TMEM184A: variants seen among roughly 807,000 people sequenced by gnomAD.
TMEM184A encodes the protein sexually dimorphic, expressed in male gonads 1.
A neutral mutation model predicts 39.5 loss-of-function variants in TMEM184A; 40 were observed. The ratio of observed to expected loss-of-function variants is 1.01; its 90% CI spans 0.79 to 1.32. The LOEUF (loss-of-function observed/expected upper bound fraction) is 1.32, where lower values mean the gene tolerates loss of function less well. Ranked by LOEUF, TMEM184A falls within the 40% of genes most tolerant of loss-of-function variation. The pLI is 0.00. For missense variants in TMEM184A, 603 were observed against 568.8 expected (o/e 1.06, Z -0.61); for synonymous variants, 280 against 252.3 (o/e 1.11, Z -1.04).
At position 1,555,248 on chromosome 7, in the gene TMEM184A, G is replaced by A. The variant is rs576658485; in HGVS notation, c.219+18C>T. On this transcript the variant is annotated intron_variant, in intron 2 of 8. Transcript: ENST00000297477. This position sits in a 1 kb window ranked among gnomAD's most constrained non-coding sequence, Gnocchi z 5.2. ...GAGACCAAGGTCCTGAAGGAGGCTCGGGGGCGGAAGGGCTTACCTGGTGGC... is the reference window on the plus strand; with the variant it reads ...GAGACCAAGGTCCTGAAGGAGGCTCAGGGGCGGAAGGGCTTACCTGGTGGC... 5.2e-5 allele frequency: 83 copies of A among 1,585,618 alleles called. 1 individual carries two copies. Among genetic ancestry groups the A allele is most frequent in the African/African-American group, 6.7e-5 (5 of 74,316 alleles).
rs10275771 is a variant in TMEM184A at position 1,549,916 on chromosome 7, G to A, written c.582C>T (p.Pro194=). 3.9e-3 allele frequency: 6,273 copies of A among 1,612,764 alleles called. 237 individuals carry two copies. The African/African-American group carries it at 0.073, about 19-fold the overall frequency. ...GGATGATGGTGGTGACGGCCATGACGGGCTTCACCAGGCAGAACTGCAGAG... is the reference window on the plus strand; with the variant it reads ...GGATGATGGTGGTGACGGCCATGACAGGCTTCACCAGGCAGAACTGCAGAG... ...QATLQFCLVK[P]VMAVTTIILQ... The change falls in exon 6 of 9, where the codon CCC becomes CCT. Residue 194 remains proline (P), a synonymous_variant. Coordinates refer to ENST00000297477, the MANE Select transcript of TMEM184A (RefSeq NM_001097620.2).
rs367847493 is a variant in TMEM184A at position 1,550,957 on chromosome 7, G to C, written c.245C>G (p.Thr82Ser). The change falls in exon 3 of 9, where the codon ACC (threonine) becomes AGC (serine). Residue 82 changes from threonine (T) to serine (S), a missense_variant. Coordinates refer to ENST00000297477, the MANE Select transcript of TMEM184A (RefSeq NM_001097620.2). Reference protein sequence around the residue: ...HQIYLHLRSYTVPQEQRYIIR... With the variant: ...HQIYLHLRSYSVPQEQRYIIR... ...GATGTAACGTTGCTCCTGTGGCACG[G>C]TGTAGGAGCGCAGGTGCAGATAGAT... 37 of 1,613,206 alleles carry C rather than the reference G, an allele frequency of 2.3e-5. No individual in the cohort carries two copies. The highest frequency in any genetic ancestry group is 2.9e-5 in the Non-Finnish European group (34 of 1,179,874).
At chr7:1,549,670 C>A (rs1356529583) in intron 6 of TMEM184A, 184 bp downstream of exon 6, 2 of 707,174 alleles carry the variant, frequency 2.8e-6, no homozygotes, top group Non-Finnish European at 5.2e-6. Context: ...GCCAGGCCTG[C>A]CTTGTTGGGC....
chr7:1,548,596 C>G lies in TMEM184A; in HGVS notation c.737G>C (p.Arg246Thr). ...GGGCTGGAAGGGCCGCAGGAGCTCCCTGGTGGTGAAGTAGAAGAGGAACAG... is the reference window on the plus strand; with the variant it reads ...GGGCTGGAAGGGCCGCAGGAGCTCCGTGGTGGTGAAGTAGAAGAGGAACAG... ...YALFLFYFTT[R>T]ELLRPFQPVL... The change falls in exon 7 of 9, where the codon AGG becomes ACG. Residue 246 changes from arginine (R) to threonine (T), a missense_variant. Arg to Thr is a moderately conservative substitution (Grantham distance 71, BLOSUM62 -1). Coordinates refer to ENST00000297477, the MANE Select transcript of TMEM184A (RefSeq NM_001097620.2). The G allele has an allele frequency of 1.2e-6, 2 of 1,613,896 alleles. No homozygotes were observed. Among genetic ancestry groups the G allele is most frequent in the Non-Finnish European group, 1.7e-6 (2 of 1,179,980 alleles).
chr7:1,546,928 A>G lies in TMEM184A; in HGVS notation c.*24T>C. The G allele has an allele frequency of 2.0e-6, 3 of 1,486,436 alleles. No homozygotes were observed. Among genetic ancestry groups the G allele is most frequent in the Non-Finnish European group, 2.7e-6 (3 of 1,116,226 alleles). The allele number at this position is 1,486,436 out of a possible 1,614,324, so 92.1% of individuals were successfully genotyped here. ...AGAGGCCTGGGCAGCCTGGGTCCCT[A>G]CAGCACTGGCAGCCCAGGCCCCCCT... On this transcript the variant is annotated 3_prime_UTR_variant, in exon 9 of 9. Coordinates refer to ENST00000297477, the MANE Select transcript of TMEM184A (RefSeq NM_001097620.2).
At chr7:1,549,660 G>A (rs1317127601) in intron 6 of TMEM184A, 194 bp downstream of exon 6, 23 of 695,408 alleles carry the variant, frequency 3.3e-5, no homozygotes, top group South Asian at 2.1e-4. Flanking sequence ...CCAGCCGGAC[G>A]CCAGGCCTGC....
chr7:1,549,896 A>T lies in TMEM184A; in HGVS notation c.602T>A (p.Ile201Asn), dbSNP rs1404766485. ...LVKPVMAVTT[I>N]ILQAFGKYHD... ...GTATTTGCCAAATGCCTGGAGGATG[A>T]TGGTGGTGACGGCCATGACGGGCTT... Residue 201 changes from isoleucine to asparagine, a missense_variant, in exon 6 of 9, where the codon ATC becomes AAC. Coordinates refer to ENST00000297477, the MANE Select transcript of TMEM184A (RefSeq NM_001097620.2). 1.2e-6 allele frequency: 2 copies of T among 1,612,184 alleles called. No homozygotes were observed. The highest frequency in any genetic ancestry group is 1.7e-6 in the Non-Finnish European group (2 of 1,179,290).
At position 1,555,208 on chromosome 7, in the gene TMEM184A, C is replaced by T. The variant is rs925130946; in HGVS notation, c.219+58G>A. The T allele has an allele frequency of 2.5e-5, 36 of 1,435,382 alleles. No homozygotes were observed. The East Asian group carries it at 2.6e-4, about 11-fold the overall frequency. The allele number at this position is 1,435,382 out of a possible 1,614,324, so 88.9% of individuals were successfully genotyped here. A position where few individuals can be genotyped will look rare whatever the true frequency, so the allele number is the denominator to read the frequency against. ...CACCCAGGGGGACCGGGCTGAGCCACGGCCACGTCCTGTGGAGACCAAGGT... is the reference window on the plus strand; with the variant it reads ...CACCCAGGGGGACCGGGCTGAGCCATGGCCACGTCCTGTGGAGACCAAGGT... On this transcript the variant is annotated intron_variant, in intron 2 of 8. Coordinates refer to ENST00000297477, the MANE Select transcript of TMEM184A (RefSeq NM_001097620.2). This position sits in a 1 kb window ranked among gnomAD's most constrained non-coding sequence, Gnocchi z 5.2.
Position 1,548,530 on chromosome 7 carries a change from G to C in TMEM184A, c.803C>G (p.Ser268Trp). 6.2e-7 allele frequency: 1 copy of C among 1,612,946 alleles called. No individual in the cohort carries two copies. Among genetic ancestry groups the C allele is most frequent in the South Asian group, 1.1e-5 (1 of 90,994 alleles). ...FLTIKAVIFL[S>W]FWQGLLLAIL... ...CCTGCCCCACACACCTTGCCAGAACGACAGGAAGATGACGGCTTTGATGGT... is the reference window on the plus strand; with the variant it reads ...CCTGCCCCACACACCTTGCCAGAACCACAGGAAGATGACGGCTTTGATGGT... The change falls in exon 7 of 9, where the codon TCG becomes TGG. Residue 268 changes from serine (S) to tryptophan (W), a missense_variant. Physicochemically the swap from Ser to Trp is radical, Grantham distance 177 (BLOSUM62 -3). Transcript: ENST00000297477.
chr7:1,550,388 G>T lies in TMEM184A; in HGVS notation c.393C>A (p.Val131=). ...DSVRDCYEAF[V]IYSFLSLCFQ... Reference sequence around the variant, plus strand: ...AACACAGGCTCAGGAAGCTGTAAATGACAAAGGCTGCAGGGAGCACAGAGG... The same window carrying T: ...AACACAGGCTCAGGAAGCTGTAAATTACAAAGGCTGCAGGGAGCACAGAGG... Residue 131 remains valine, a synonymous_variant, in exon 4 of 9, where the codon GTC becomes GTA. Coordinates refer to ENST00000297477, the MANE Select transcript of TMEM184A (RefSeq NM_001097620.2). 6.2e-7 allele frequency: 1 copy of T among 1,611,728 alleles called. No individual in the cohort carries two copies.
chr7:1,554,608 A>G (rs962488399), intron 2 of TMEM184A, among the ~76,000 whole-genome samples: 3 of 151,894 alleles, frequency 2.0e-5, no homozygotes, highest in African/African-American at 7.3e-5. Flanking sequence ...CTCTCTGCCC[A>G]GCCCCTGCCC....
rs377556646 is a variant in TMEM184A, at chr7:1,550,864, T to C, written c.338A>G (p.Asp113Gly). Residue 113 changes from aspartate to glycine, a missense_variant, in exon 3 of 9, where the codon GAC (aspartate) becomes GGC (glycine). Asp to Gly is a moderately conservative substitution (Grantham distance 94). Transcript: ENST00000297477. ...GTCGAAGTAGACGTAGTACTGGTGG[T>C]CTCCGAGGAGGAGGAGGCTGAGCCA... ...DSWLSLLLLG[D>G]HQYYVYFDSV... 3.8e-5 allele frequency: 61 copies of C among 1,613,368 alleles called. 1 individual carries two copies. In the African/African-American group the frequency reaches 7.6e-4, roughly 20 times the overall value.
At position 1,555,530 on chromosome 7, in the gene TMEM184A, G is replaced by A. The variant is rs371183826; in HGVS notation, c.1-46C>T. On this transcript the variant is annotated intron_variant, in intron 1 of 8. Transcript: ENST00000297477. The surrounding 1 kb of genome is among the most constrained non-coding windows in gnomAD (Gnocchi z 5.2). ...CACACCGGGAGGAGTGAGGGCAAAG[G>A]TACTGGCTCCCGGCAGCAGGAAGCA... The A allele has an allele frequency of 2.7e-6, 4 of 1,487,256 alleles. No individual in the cohort carries two copies. The highest frequency in any genetic ancestry group is 3.7e-6 in the Non-Finnish European group (4 of 1,079,514). 92.1% of individuals were successfully genotyped at this position (1,487,256 alleles called of 1,614,324 possible). A position where few individuals can be genotyped will look rare whatever the true frequency, so the allele number is the denominator to read the frequency against.
At chr7:1,548,476 G>A (rs369888779) in intron 7 of TMEM184A, 43 bp downstream of exon 7, 2 of 1,580,038 alleles carry the variant, frequency 1.3e-6, no homozygotes, top group African/African-American at 2.7e-5. Flanking sequence ...CTGGACTGCA[G>A]CCCCCACCTC....
At chr7:1,547,305 G>A (rs548105623) in intron 8 of TMEM184A, 124 bp from the exon 9 acceptor site, 2 of 651,706 alleles carry the variant, frequency 3.1e-6, no homozygotes, top group East Asian at 2.7e-5. Context: ...GGCCAGCAGA[G>A]GGTGGCCCCA....
At chr7:1,552,539 C>T (rs1435193266) in intron 2 of TMEM184A, among the ~76,000 whole-genome samples, 2 of 145,174 alleles carry the variant, frequency 1.4e-5, no homozygotes, top group Non-Finnish European at 3.0e-5. Flanking sequence ...GAATAAGTTC[C>T]TTGGGCATGA....
chr7:1,546,728 G>T lies in TMEM184A; in HGVS notation c.*224C>A, dbSNP rs1784358870. On this transcript the variant is annotated 3_prime_UTR_variant, in exon 9 of 9. Transcript: ENST00000297477. ...CCCCAGGCTCTTCCGATTGGCTCAG[G>T]TGCCCTCTCCTGCGGTGGCGGGCCC... The T allele has an allele frequency of 2.0e-6, 1 of 506,062 alleles. No individual in the cohort carries two copies. Among genetic ancestry groups the T allele is most frequent in the East Asian group, 3.3e-5 (1 of 30,392 alleles). The allele number at this position is 506,062 out of a possible 1,614,324, so 31.3% of individuals were successfully genotyped here. A position where few individuals can be genotyped will look rare whatever the true frequency, so the allele number is the denominator to read the frequency against.
At chr7:1,548,998 G>A (rs758194873) in intron 6 of TMEM184A, 10 of 563,194 alleles carry the variant, frequency 1.8e-5, no homozygotes, top group East Asian at 8.3e-5. Flanking sequence ...CTGTCGGAAC[G>A]CCACCTCCCA....
At position 1,546,863 on chromosome 7, in the gene TMEM184A, T is replaced by G; in HGVS notation, c.*89A>C. ...TGGGCTCTCAGGAGAGGCCCCACCT[T>G]TGGCAGGAGTTGGTGGGTGGGGGGA... On this transcript the variant is annotated 3_prime_UTR_variant, in exon 9 of 9. Transcript: ENST00000297477. 1 of 888,320 alleles carries G rather than the reference T, an allele frequency of 1.1e-6. No homozygotes were observed. Among genetic ancestry groups the G allele is most frequent in the Non-Finnish European group, 1.7e-6 (1 of 604,414 alleles). The allele number at this position is 888,320 out of a possible 1,614,324, so 55.0% of individuals were successfully genotyped here.
Sources: allele counts gnomAD v4.1 joint callset (sites outside exome capture counted in the v4.1 genomes callset), GRCh38; gene constraint gnomAD v4.1.1; non-coding constraint Gnocchi (gnomAD v3.1); transcripts MANE v1.5; gene names NCBI Gene and HGNC (gene_info 2026-07-23, HGNC 2026-07-21).